FAAH2: variants seen among roughly 807,000 people sequenced by gnomAD.
The protein encoded by FAAH2 is fatty-acid amide hydrolase 2.
In FAAH2, 60 loss-of-function variants were observed where a neutral mutation model predicts 36.9. The ratio of observed to expected loss-of-function variants is 1.63; its 90% CI spans 1.32 to 2.02. The LOEUF (loss-of-function observed/expected upper bound fraction) is 2.02. Ranked by LOEUF, FAAH2 falls within the 30% of genes most tolerant of loss-of-function variation. The pLI, the probability that FAAH2 is intolerant of heterozygous loss-of-function variation, is 0.00. For missense variants in FAAH2, 689 were observed against 397.5 expected (o/e 1.73, Z -6.23); for synonymous variants, 214 against 143.8 (o/e 1.49, Z -3.49).
chrX:57,463,406 C>T (rs1602747242), intron 10 of FAAH2, among the ~76,000 whole-genome samples: 1 of 111,203 alleles, frequency 9.0e-6, no homozygotes, highest in South Asian at 3.8e-4. Flanking sequence ...TGACTTTAAA[C>T]TATATTACAA....
chrX:57,177,577 AATATATAT>A, the FAAH2 span, among the ~76,000 whole-genome samples: 187 of 34,787 alleles, frequency 5.4e-3, 1 homozygote, highest in Middle Eastern at 0.023. Context: ...TCAAAATTTA[AATATATAT>A]ATATATATAT....
the FAAH2 span, among the ~76,000 whole-genome samples, chrX:57,184,942 A>G: frequency 9.0e-6 from 1 of 111,215 alleles, no homozygotes; most frequent in Non-Finnish European, 1.9e-5. Context: ...TTTTTTTATT[A>G]TTTTTATTTG....
At chrX:57,302,016 A>G (rs137955723) in intron 2 of FAAH2, among the ~76,000 whole-genome samples, 3,786 of 112,047 alleles carry the variant, frequency 0.034, 59 homozygotes, top group South Asian at 0.062. Context: ...GCTTGCCTGG[A>G]AAAGTACAAA....
the FAAH2 span, among the ~76,000 whole-genome samples, chrX:57,206,411 AC>A: frequency 3.6e-5 from 4 of 111,841 alleles, no homozygotes; most frequent in African/African-American, 1.3e-4. Context: ...CTATAATTAA[AC>A]CAGTGTGAGA....
the FAAH2 span, among the ~76,000 whole-genome samples, chrX:57,170,959 G>A: frequency 9.0e-6 from 1 of 110,559 alleles, no homozygotes; most frequent in African/African-American, 3.3e-5. Context: ...ATCTGCCCAT[G>A]TCGGCTTTCC....
the FAAH2 span, among the ~76,000 whole-genome samples, chrX:57,213,700 T>A: frequency 8.0e-5 from 9 of 112,170 alleles, no homozygotes; most frequent in Non-Finnish European, 1.7e-4. Context: ...ATACTTGGTA[T>A]GATTTTGGTT....
At chrX:57,423,468 A>T (rs2056085681) in intron 7 of FAAH2, among the ~76,000 whole-genome samples, 1 of 111,487 alleles carries the variant, frequency 9.0e-6, no homozygotes, top group Non-Finnish European at 1.9e-5. Context: ...ATCTGAAGGC[A>T]AACTGTTTGT....
At chrX:57,163,187 A>C in the FAAH2 span, among the ~76,000 whole-genome samples, 1 of 112,179 alleles carries the variant, frequency 8.9e-6, no homozygotes, top group Admixed American at 9.4e-5. Flanking sequence ...GTCAGGGGTC[A>C]GGGACCCACT....
intron 7 of FAAH2, among the ~76,000 whole-genome samples, chrX:57,401,572 T>C (rs1317152506): frequency 9.0e-6 from 1 of 111,443 alleles, no homozygotes; most frequent in Non-Finnish European, 1.9e-5. Flanking sequence ...ACTCCTAAAA[T>C]TGGAGTATTG....
At chrX:57,143,948 T>G in the FAAH2 span, among the ~76,000 whole-genome samples, 94 of 112,219 alleles carry the variant, frequency 8.4e-4, 1 homozygote, top group African/African-American at 2.9e-3. Flanking sequence ...CCTTTCAGAT[T>G]GAAGAACACA....
At chrX:57,345,022 A>C (rs968412526) in intron 5 of FAAH2, among the ~76,000 whole-genome samples, 5 of 110,760 alleles carry the variant, frequency 4.5e-5, no homozygotes, top group African/African-American at 1.6e-4. Context: ...GTCTGTATTC[A>C]TCAGGGATAT....
the FAAH2 span, among the ~76,000 whole-genome samples, chrX:57,194,957 A>ATGTGTG: frequency 1.8e-5 from 2 of 108,819 alleles, no homozygotes; most frequent in African/African-American, 6.7e-5. Context: ...GTGTGTGTGT[A>ATGTGTG]TGTGTGTGTG....
At chrX:57,457,445 G>A (rs1285996766) in intron 10 of FAAH2, among the ~76,000 whole-genome samples, 1 of 108,205 alleles carries the variant, frequency 9.2e-6, no homozygotes, top group Non-Finnish European at 1.9e-5. Context: ...GGATGTGCTA[G>A]CCAGCGCAAT....
At chrX:57,179,909 A>G in the FAAH2 span, among the ~76,000 whole-genome samples, 1 of 112,608 alleles carries the variant, frequency 8.9e-6, no homozygotes, top group Non-Finnish European at 1.9e-5. Context: ...AAAATATAAT[A>G]ACAACACCCT....
chrX:57,218,906 A>G, the FAAH2 span, among the ~76,000 whole-genome samples: 2 of 111,665 alleles, frequency 1.8e-5, no homozygotes, highest in Non-Finnish European at 3.8e-5. Context: ...CAGGGTATCT[A>G]CTTCTTGCTG....
intron 2 of FAAH2, among the ~76,000 whole-genome samples, chrX:57,309,801 T>G (rs2052640662): frequency 8.9e-6 from 1 of 112,187 alleles, no homozygotes; most frequent in Non-Finnish European, 1.9e-5. Flanking sequence ...CTTTTTGATG[T>G]ACCACATTTT....
chrX:57,154,056 A>C, the FAAH2 span, among the ~76,000 whole-genome samples: 1 of 111,821 alleles, frequency 8.9e-6, no homozygotes, highest in Non-Finnish European at 1.9e-5. Context: ...GTTCATTTAA[A>C]AATTTTTCTT....
At chrX:57,431,558 CT>C (rs1472274251) in intron 7 of FAAH2, among the ~76,000 whole-genome samples, 1 of 110,955 alleles carries the variant, frequency 9.0e-6, no homozygotes, top group Admixed American at 9.7e-5. Context: ...CATTCATATT[CT>C]TTCATTCCAA....
intron 7 of FAAH2, chrX:57,394,650 G>A: frequency 1.0e-6 from 1 of 969,638 alleles, no homozygotes; most frequent in Non-Finnish European, 1.5e-6. Flanking sequence ...CTCGTCGTAT[G>A]CCACATCACC....
Sources: allele counts gnomAD v4.1 joint callset (sites outside exome capture counted in the v4.1 genomes callset), GRCh38; gene constraint gnomAD v4.1.1; transcripts MANE v1.5; gene names NCBI Gene and HGNC (gene_info 2026-07-23, HGNC 2026-07-21).